Variants in PCDHA6 observed in about 807,000 individuals in gnomAD.
PCDHA6 encodes protocadherin alpha-6.
Under a neutral mutation model 60.3 loss-of-function variants are expected in PCDHA6, and 55 were observed. That is an observed-to-expected ratio of 0.91 (90% CI 0.73 to 1.14). The LOEUF is 1.14. Ranked by LOEUF, PCDHA6 falls within the 50% of genes most tolerant of loss-of-function variation. The pLI is 0.00. For synonymous variants in PCDHA6, 652 were observed against 557.9 expected (o/e 1.17, Z -2.38); for missense variants, 1,327 against 1,256.5 (o/e 1.06, Z -0.85).
chr5:140,969,404 G>A (rs1345885868), intron 1 of PCDHA6: 2 of 1,577,250 alleles, frequency 1.3e-6, no homozygotes, highest in Admixed American at 1.9e-5. Context: ...CTGTGATTTG[G>A]CTTTATTGAG....
chr5:140,840,555 T>C (rs1418325429), intron 1 of PCDHA6, among the ~76,000 whole-genome samples: 1 of 152,084 alleles, frequency 6.6e-6, no homozygotes, highest in African/African-American at 2.4e-5. Flanking sequence ...ATGGCAATAC[T>C]GCTAGAGTTT....
chr5:140,946,294 A>G (rs529202868), intron 1 of PCDHA6, among the ~76,000 whole-genome samples: 1 of 152,056 alleles, frequency 6.6e-6, no homozygotes, highest in Admixed American at 6.5e-5. Flanking sequence ...ATCACCTCAC[A>G]CCTGGTAGAA....
chr5:140,870,054 T>A (rs895309313), intron 1 of PCDHA6: 2 of 1,613,676 alleles, frequency 1.2e-6, no homozygotes, highest in African/African-American at 2.7e-5. Flanking sequence ...TTTATAAAAT[T>A]GAAGTACAGG....
At chr5:140,913,394 A>G (rs2076316460) in intron 1 of PCDHA6, among the ~76,000 whole-genome samples, 1 of 152,204 alleles carries the variant, frequency 6.6e-6, no homozygotes, top group Non-Finnish European at 1.5e-5. Flanking sequence ...CATAGCCACT[A>G]ATGATCCTTT....
At chr5:140,966,835 G>A in intron 1 of PCDHA6, 10 of 1,564,886 alleles carry the variant, frequency 6.4e-6, no homozygotes, top group Non-Finnish European at 7.8e-6. Flanking sequence ...TGCCCTGGCT[G>A]CTGCTACTGC....
At chr5:141,005,199 C>T (rs2098200928) in intron 3 of PCDHA6, among the ~76,000 whole-genome samples, 1 of 152,208 alleles carries the variant, frequency 6.6e-6, no homozygotes, top group African/African-American at 2.4e-5. Flanking sequence ...TCCTTTCATT[C>T]ATTCATCCAG....
At position 140,946,093 on chromosome 5, in the gene PCDHA6, T is replaced by A. The variant is rs1171535500; in HGVS notation, c.2395-32856T>A. Among the ~76,000 whole-genome samples, 4 of 151,584 alleles carry A rather than the reference T, an allele frequency of 2.6e-5. No homozygotes were observed. In the East Asian group the frequency reaches 7.7e-4, roughly 29 times the overall value. ...TGCAAACCACAGATCTGATAAGGAG[T>A]TAACATACCAAATATATAAGGAACT... is the stretch of plus-strand genomic sequence containing the variant. On this transcript the variant is annotated intron_variant, in intron 1 of 3. Transcript: ENST00000529310.
At position 140,937,762 on chromosome 5, in the gene PCDHA6, A is replaced by T. The variant is rs955142751; in HGVS notation, c.2395-41187A>T. Among the ~76,000 whole-genome samples, 6 of 151,868 alleles carry T rather than the reference A, an allele frequency of 4.0e-5. No individual in the cohort carries two copies. The South Asian group carries it at 6.2e-4, about 16-fold the overall frequency. On this transcript the variant is annotated intron_variant, in intron 1 of 3. Coordinates refer to ENST00000529310, the MANE Select transcript of PCDHA6 (RefSeq NM_018909.4). ...CCCGTCTCTACTAAAAATACAAAAA[A>T]TTAGTCGGGCGTGGTGGCGGGCGTA... is the stretch of plus-strand genomic sequence containing the variant.
chr5:140,875,335 C>A, intron 1 of PCDHA6: 2 of 1,438,768 alleles, frequency 1.4e-6, no homozygotes, highest in East Asian at 2.5e-5. Context: ...GGAATAGGAT[C>A]GACTCCATAA....
intron 1 of PCDHA6, chr5:140,835,926 G>C: frequency 1.2e-6 from 2 of 1,612,440 alleles, no homozygotes; most frequent in South Asian, 1.1e-5. Flanking sequence ...CGCGGAGAGC[G>C]GCAAGGTGTA....
intron 2 of PCDHA6, 35 bp from the exon 3 acceptor site, chr5:140,982,440 A>C: frequency 6.2e-6 from 10 of 1,613,042 alleles, no homozygotes; most frequent in Non-Finnish European, 8.5e-6. Context: ...AGAATTTATG[A>C]TCTAACCGTT....
At chr5:140,967,958 CG>C in intron 1 of PCDHA6, 1 of 1,614,182 alleles carries the variant, frequency 6.2e-7, no homozygotes, top group Non-Finnish European at 8.5e-7. Flanking sequence ...AGGCCCCAAC[CG>C]GAAAGTGAGC....
chr5:140,950,671 A>G (rs1222424193), intron 1 of PCDHA6, among the ~76,000 whole-genome samples: 2 of 152,074 alleles, frequency 1.3e-5, no homozygotes, highest in Non-Finnish European at 2.9e-5. Context: ...TCAAACATGT[A>G]CATGTATATT....
At chr5:140,904,642 C>G (rs1257685945) in intron 1 of PCDHA6, among the ~76,000 whole-genome samples, 2 of 152,132 alleles carry the variant, frequency 1.3e-5, no homozygotes, top group Non-Finnish European at 2.9e-5. Context: ...AATCTCCACA[C>G]TGTTTTCCAT....
chr5:140,884,386 G>T (rs372595984), intron 1 of PCDHA6: 2 of 1,613,986 alleles, frequency 1.2e-6, no homozygotes, highest in African/African-American at 2.7e-5. Flanking sequence ...CCATCTGCGC[G>T]GTGTCCAGCC....
At chr5:140,855,644 T>C (rs1324111294) in intron 1 of PCDHA6, among the ~76,000 whole-genome samples, 7 of 149,848 alleles carry the variant, frequency 4.7e-5, no homozygotes, top group African/African-American at 1.7e-4. Flanking sequence ...TTGATAATCA[T>C]GTGGTTAGGG....
At chr5:140,973,492 T>C (rs2096590680) in intron 1 of PCDHA6, among the ~76,000 whole-genome samples, 1 of 152,192 alleles carries the variant, frequency 6.6e-6, no homozygotes, top group African/African-American at 2.4e-5. Context: ...GTCACAGGAC[T>C]CTTCTTCTGA....
At position 140,852,587 on chromosome 5, in the gene PCDHA6, T is replaced by A. The variant is rs2150519180; in HGVS notation, c.2394+22102T>A. The stretch of plus-strand genomic sequence containing the variant: ...CACTGTGCCAAGGCTTTTTTATTTT[T>A]TTTTTTTGTCATTTTCTTTCAAAAC... On this transcript the variant is annotated intron_variant, in intron 1 of 3. Coordinates refer to ENST00000529310, the MANE Select transcript of PCDHA6 (RefSeq NM_018909.4). 5.8e-4 allele frequency: 511 copies of A among 881,870 alleles called. 32 individuals carry two copies. Among genetic ancestry groups the A allele is most frequent in the Admixed American group, 7.6e-4 (12 of 15,710 alleles). 54.6% of individuals were successfully genotyped at this position (881,870 alleles called of 1,614,324 possible).
chr5:140,900,101 T>C (rs2067753417), intron 1 of PCDHA6, among the ~76,000 whole-genome samples: 1 of 152,180 alleles, frequency 6.6e-6, no homozygotes, highest in African/African-American at 2.4e-5. Flanking sequence ...TGCGCCACCA[T>C]ACCTGGCCTT....
Sources: allele counts gnomAD v4.1 joint callset (sites outside exome capture counted in the v4.1 genomes callset), GRCh38; gene constraint gnomAD v4.1.1; transcripts MANE v1.5; gene names NCBI Gene and HGNC (gene_info 2026-07-23, HGNC 2026-07-21).